The following CCDC85A variants were observed in gnomAD, a reference collection of about 807,000 sequenced individuals.
The protein encoded by CCDC85A is coiled-coil domain-containing protein 85A.
In CCDC85A, 38 loss-of-function variants were observed where a neutral mutation model predicts 50.2. That is an observed-to-expected ratio of 0.76 (90% CI 0.58 to 0.99). CCDC85A has a LOEUF of 0.99. Ranked by LOEUF, CCDC85A falls within the 50% of genes least tolerant of loss-of-function variation. The pLI is 0.00. For missense variants in CCDC85A, 820 were observed against 742.0 expected (o/e 1.11, Z -1.22); for synonymous variants, 366 against 301.4 (o/e 1.21, Z -2.22).
intron 2 of CCDC85A, among the ~76,000 whole-genome samples, chr2:56,280,275 A>T (rs1319775460): frequency 6.6e-6 from 1 of 152,192 alleles, no homozygotes; most frequent in African/African-American, 2.4e-5. Flanking sequence ...TTTGCAGCTC[A>T]GCTAGAGTCA....
rs567765982 is a variant in CCDC85A, at chr2:56,321,093, C to T, written c.1241-21786C>T. 3.3e-5 allele frequency among the ~76,000 whole-genome samples: 5 copies of T among 152,234 alleles called. No individual in the cohort carries two copies. In the East Asian group the frequency reaches 5.8e-4, roughly 18 times the overall value. ...AGGCCTCTGACAAAATTCAACAACC[C>T]TTCATGCTAAAACCTCTCAATAAAT... On this transcript the variant is annotated intron_variant, in intron 2 of 5. Transcript: ENST00000407595.
chr2:56,356,079 C>T (rs1422290306), intron 3 of CCDC85A, among the ~76,000 whole-genome samples: 1 of 152,104 alleles, frequency 6.6e-6, no homozygotes, highest in Non-Finnish European at 1.5e-5. Context: ...AATTTAATAT[C>T]TATAACTACA....
At chr2:56,298,884 T>C (rs1221043218) in intron 2 of CCDC85A, among the ~76,000 whole-genome samples, 3 of 152,104 alleles carry the variant, frequency 2.0e-5, no homozygotes, top group Non-Finnish European at 4.4e-5. Context: ...GGGAGAGGCC[T>C]GGGAGGAGGC....
chr2:56,257,121 G>A (rs1465733364), intron 2 of CCDC85A, among the ~76,000 whole-genome samples: 1 of 152,112 alleles, frequency 6.6e-6, no homozygotes, highest in Non-Finnish European at 1.5e-5. Flanking sequence ...AAAACATTTA[G>A]TGAATACCTT....
intron 5 of CCDC85A, among the ~76,000 whole-genome samples, chr2:56,379,289 G>T (rs1676475890): frequency 6.6e-6 from 1 of 152,176 alleles, no homozygotes; most frequent in South Asian, 2.1e-4. Context: ...CATATTCCTG[G>T]GTTTTGACCA....
chr2:56,207,187 T>G (rs1676995082), intron 2 of CCDC85A, among the ~76,000 whole-genome samples: 1 of 152,216 alleles, frequency 6.6e-6, no homozygotes, highest in African/African-American at 2.4e-5. Flanking sequence ...GACCTCATTT[T>G]AGCTTGTTAT....
chr2:56,308,327 G>A (rs1324648594), intron 2 of CCDC85A, among the ~76,000 whole-genome samples: 1 of 152,108 alleles, frequency 6.6e-6, no homozygotes, highest in Non-Finnish European at 1.5e-5. Context: ...GACAGTGTTG[G>A]GGGAACGTTC....
At chr2:56,362,133 A>G (rs982186307) in intron 3 of CCDC85A, among the ~76,000 whole-genome samples, 2 of 152,180 alleles carry the variant, frequency 1.3e-5, no homozygotes, top group South Asian at 2.1e-4. Flanking sequence ...CACAGAGACT[A>G]TGCAGTGAAT....
chr2:56,360,400 G>A (rs1177790613), intron 3 of CCDC85A, among the ~76,000 whole-genome samples: 3 of 152,022 alleles, frequency 2.0e-5, no homozygotes, highest in African/African-American at 7.2e-5. Context: ...TTAGTCTTTG[G>A]GTTATTTCTC....
chr2:56,314,846 G>A (rs1235715900), intron 2 of CCDC85A, among the ~76,000 whole-genome samples: 2 of 152,040 alleles, frequency 1.3e-5, no homozygotes, highest in African/African-American at 4.8e-5. Context: ...TAGTATAGAC[G>A]CTACTGCTGT....
At chr2:56,325,409 T>A (rs903522312) in intron 2 of CCDC85A, among the ~76,000 whole-genome samples, 1 of 152,122 alleles carries the variant, frequency 6.6e-6, no homozygotes, top group Admixed American at 6.6e-5. Flanking sequence ...CAATGATGGA[T>A]TACTTTAAAA....
chr2:56,255,837 G>T (rs1305276993), intron 2 of CCDC85A, among the ~76,000 whole-genome samples: 1 of 152,030 alleles, frequency 6.6e-6, no homozygotes, highest in East Asian at 1.9e-4. Context: ...ATGAAAGAGA[G>T]AATGAACACA....
intron 2 of CCDC85A, among the ~76,000 whole-genome samples, chr2:56,246,165 C>T (rs568867247): frequency 2.6e-5 from 4 of 152,162 alleles, no homozygotes; most frequent in Non-Finnish European, 5.9e-5. Context: ...CTCAGGTGAT[C>T]CACCTGCCTC....
intron 2 of CCDC85A, among the ~76,000 whole-genome samples, chr2:56,213,439 A>G (rs1370230081): frequency 6.6e-6 from 1 of 152,000 alleles, no homozygotes; most frequent in Non-Finnish European, 1.5e-5. Flanking sequence ...GTGATCCACA[A>G]TCTTGTTTTA....
At chr2:56,320,843 A>G (rs1468104887) in intron 2 of CCDC85A, among the ~76,000 whole-genome samples, 3 of 152,178 alleles carry the variant, frequency 2.0e-5, no homozygotes, top group East Asian at 3.8e-4. Flanking sequence ...ATAAAAAAAG[A>G]GAATTTTAGA....
At chr2:56,253,169 CA>C (rs1276332321) in intron 2 of CCDC85A, among the ~76,000 whole-genome samples, 1 of 152,170 alleles carries the variant, frequency 6.6e-6, no homozygotes, top group Non-Finnish European at 1.5e-5. Context: ...AGAATTTTAC[CA>C]GCACCCAGAA....
intron 2 of CCDC85A, among the ~76,000 whole-genome samples, chr2:56,304,952 A>C (rs572860618): frequency 1.1e-4 from 16 of 151,478 alleles, no homozygotes; most frequent in Non-Finnish European, 1.9e-4. Context: ...ACAAAAAAAA[A>C]AAAACCTGGG....
chr2:56,368,392 G>A (rs529912428), intron 3 of CCDC85A, among the ~76,000 whole-genome samples: 13 of 152,100 alleles, frequency 8.5e-5, no homozygotes, highest in Middle Eastern at 6.8e-3. Flanking sequence ...TATTTGCTAG[G>A]ACAGTTTTAC....
chr2:56,374,563 C>T (rs1476949009), intron 4 of CCDC85A, among the ~76,000 whole-genome samples: 8 of 152,100 alleles, frequency 5.3e-5, no homozygotes. Context: ...AATCCTAGCA[C>T]TTTGGGAGGC....
Sources: allele counts gnomAD v4.1 joint callset (sites outside exome capture counted in the v4.1 genomes callset), GRCh38; gene constraint gnomAD v4.1.1; transcripts MANE v1.5; gene names NCBI Gene and HGNC (gene_info 2026-07-23, HGNC 2026-07-21).